The following KCNAB1 variants were observed in gnomAD, a reference collection of about 807,000 sequenced individuals.
KCNAB1 encodes voltage-gated potassium channel subunit beta-1.
In KCNAB1, 35 loss-of-function variants were observed where a neutral mutation model predicts 64.6. The ratio of observed to expected loss-of-function variants is 0.54; its 90% CI spans 0.41 to 0.72. The LOEUF is 0.72. KCNAB1 is among the 30% of genes least tolerant of loss of function. The pLI, the probability that KCNAB1 is intolerant of heterozygous loss-of-function variation, is 0.00. For missense variants in KCNAB1, 401 were observed against 512.9 expected, an observed-to-expected ratio of 0.78 and a Z score of 2.11; for synonymous variants, 177 against 183.8, an observed-to-expected ratio of 0.96 and a Z score of 0.30.
intron 1 of KCNAB1, among the ~76,000 whole-genome samples, chr3:156,386,917 T>G (rs897214906): frequency 3.9e-5 from 6 of 152,076 alleles, no homozygotes; most frequent in African/African-American, 1.4e-4. Context: ...TTCCCTTTCA[T>G]GTCAGCTCCT....
At chr3:156,338,218 C>G (rs1217385312) in intron 1 of KCNAB1, among the ~76,000 whole-genome samples, 1 of 149,062 alleles carries the variant, frequency 6.7e-6, no homozygotes, top group Admixed American at 6.8e-5. Context: ...GGAGACAGAA[C>G]TCTCTTTTCT....
At chr3:156,207,784 C>T (rs1679352001) in intron 1 of KCNAB1, among the ~76,000 whole-genome samples, 1 of 152,116 alleles carries the variant, frequency 6.6e-6, no homozygotes, top group South Asian at 2.1e-4. Flanking sequence ...GGGTGTCATT[C>T]ACAGGATAAT....
chr3:156,490,181 C>T (rs1370067565), intron 8 of KCNAB1, among the ~76,000 whole-genome samples: 1 of 152,058 alleles, frequency 6.6e-6, no homozygotes, highest in Non-Finnish European at 1.5e-5. Flanking sequence ...CCAGGTCACA[C>T]CCTCCCCATG....
chr3:156,516,137 G>GAT, intron 10 of KCNAB1, 133 bp from the exon 11 acceptor site: 1 of 612,256 alleles, frequency 1.6e-6, no homozygotes, highest in Non-Finnish European at 2.9e-6. Context: ...AATGCATGCT[G>GAT]ATATTAACTC....
intron 2 of KCNAB1, among the ~76,000 whole-genome samples, chr3:156,444,965 C>A (rs1717292394): frequency 6.6e-6 from 1 of 152,020 alleles, no homozygotes. Flanking sequence ...GAGATGGCAG[C>A]AATTGAGTAA....
Position 156,152,114 on chromosome 3 carries a change from C to T in KCNAB1, c.275+31228C>T, listed in dbSNP as rs149760692. Among the ~76,000 whole-genome samples the T allele has an allele frequency of 4.4e-3, 676 of 152,292 alleles. 7 individuals carry two copies. Among genetic ancestry groups the T allele is most frequent in the South Asian group, 0.019 (91 of 4,822 alleles). ...CACAGCTACCCAGCGAGGGTTACCA[C>T]GTTTTCTTCTGGAACTTTAGGCCCA... is the stretch of plus-strand genomic sequence containing the variant. On this transcript the variant is annotated intron_variant, in intron 1 of 13. Coordinates refer to ENST00000490337, the MANE Select transcript of KCNAB1 (RefSeq NM_172160.3).
At chr3:156,118,689 A>G (rs930621675), upstream of KCNAB1, among the ~76,000 whole-genome samples, 1 of 152,232 alleles carries the variant, frequency 6.6e-6, no homozygotes, top group African/African-American at 2.4e-5. Flanking sequence ...CAGAGCTCTT[A>G]AACACAACAG....
At chr3:156,165,393 C>T (rs1468318812) in intron 1 of KCNAB1, among the ~76,000 whole-genome samples, 1 of 151,782 alleles carries the variant, frequency 6.6e-6, no homozygotes, top group African/African-American at 2.4e-5. Context: ...CTGACGGACC[C>T]AGGCCTGTGA....
chr3:156,205,521 A>T (rs1375301239), intron 1 of KCNAB1, among the ~76,000 whole-genome samples: 1 of 152,196 alleles, frequency 6.6e-6, no homozygotes, highest in African/African-American at 2.4e-5. Flanking sequence ...GGGACAGAAC[A>T]TCCTTGTTAG....
intron 13 of KCNAB1, among the ~76,000 whole-genome samples, chr3:156,533,842 A>G (rs1718870988): frequency 6.6e-6 from 1 of 152,180 alleles, no homozygotes; most frequent in Admixed American, 6.5e-5. Context: ...CATAGTGCCT[A>G]GGGATGGCAT....
intron 1 of KCNAB1, among the ~76,000 whole-genome samples, chr3:156,219,695 TTTATTATTATTATTATTATTA>T (rs139168632): frequency 2.0e-5 from 3 of 146,768 alleles, no homozygotes; most frequent in East Asian, 2.0e-4. Flanking sequence ...AAGGAATCTT[TTTATTATTATTATTATTATTA>T]TTATTATTAT....
chr3:156,149,859 C>T (rs998384417), intron 1 of KCNAB1, among the ~76,000 whole-genome samples: 2 of 152,200 alleles, frequency 1.3e-5, no homozygotes, highest in East Asian at 1.9e-4. Context: ...CAAAAACACC[C>T]TTTCATCATG....
chr3:156,384,875 G>C (rs1264282421), intron 1 of KCNAB1, among the ~76,000 whole-genome samples: 1 of 152,150 alleles, frequency 6.6e-6, no homozygotes, highest in Non-Finnish European at 1.5e-5. Flanking sequence ...AAGGGGTAGG[G>C]GCACCTGGAA....
intron 2 of KCNAB1, among the ~76,000 whole-genome samples, chr3:156,428,698 C>G (rs867758554): frequency 6.6e-6 from 1 of 152,116 alleles, no homozygotes. Context: ...GTCACTTGCT[C>G]ATTTTTCAGC....
At chr3:156,285,865 T>C (rs1437710221) in intron 1 of KCNAB1, among the ~76,000 whole-genome samples, 3 of 152,228 alleles carry the variant, frequency 2.0e-5, no homozygotes, top group South Asian at 2.1e-4. Context: ...CTTGAGCATA[T>C]AAAGTGTTAT....
chr3:156,267,091 C>A (rs1718766261), intron 1 of KCNAB1, among the ~76,000 whole-genome samples: 1 of 152,054 alleles, frequency 6.6e-6, no homozygotes, highest in South Asian at 2.1e-4. Context: ...ATCCCAGTAT[C>A]CACACAGATA....
intron 8 of KCNAB1, among the ~76,000 whole-genome samples, chr3:156,484,331 T>G (rs1715047077): frequency 6.6e-6 from 1 of 152,106 alleles, no homozygotes; most frequent in South Asian, 2.1e-4. Flanking sequence ...TTTTTTCTTC[T>G]TCTTCTTTTT....
At chr3:156,255,978 G>A (rs570948726) in intron 1 of KCNAB1, among the ~76,000 whole-genome samples, 21 of 152,148 alleles carry the variant, frequency 1.4e-4, no homozygotes, top group Non-Finnish European at 2.4e-4. Context: ...CTGGAGCAGC[G>A]CCCAGAGTGC....
At chr3:156,493,019 A>C (rs1268454067) in intron 8 of KCNAB1, among the ~76,000 whole-genome samples, 1 of 152,288 alleles carries the variant, frequency 6.6e-6, no homozygotes, top group East Asian at 1.9e-4. Flanking sequence ...AAAGAGTAAA[A>C]CAATAACCAC....
Sources: allele counts gnomAD v4.1 joint callset (sites outside exome capture counted in the v4.1 genomes callset), GRCh38; gene constraint gnomAD v4.1.1; transcripts MANE v1.5; gene names NCBI Gene and HGNC (gene_info 2026-07-23, HGNC 2026-07-21).